Variants in FAHD2A observed in about 807,000 individuals in gnomAD.
FAHD2A encodes oxaloacetate tautomerase FAHD2A, mitochondrial.
In FAHD2A, 27 loss-of-function variants were observed where a neutral mutation model predicts 33.4. The ratio of observed to expected loss-of-function variants is 0.81; its 90% CI spans 0.60 to 1.11. FAHD2A has a LOEUF of 1.11. Ranked by LOEUF, FAHD2A falls within the 50% of genes most tolerant of loss-of-function variation. FAHD2A has a pLI of 0.00. For synonymous variants in FAHD2A, 130 were observed against 153.3 expected, an observed-to-expected ratio of 0.85 and a Z score of 1.12; for missense variants, 296 against 395.0, an observed-to-expected ratio of 0.75 and a Z score of 2.12.
At chr2:95,417,652 C>T (rs1683245952), downstream of FAHD2A, among the ~76,000 whole-genome samples, 1 of 152,070 alleles carries the variant, frequency 6.6e-6, no homozygotes. Context: ...GTCTATTTCA[C>T]ATGCTGCTGA....
intron 5 of FAHD2A, 75 bp from the exon 6 acceptor site, chr2:95,412,359 C>T (rs940606287): frequency 1.9e-6 from 3 of 1,574,730 alleles, no homozygotes; most frequent in East Asian, 2.2e-5. Context: ...AGCACCCCTA[C>T]AGTTGTGTTT....
In FAHD2A at chr2:95,414,269, C is replaced by A; in HGVS notation, c.*1312C>A. On this transcript the variant is annotated 3_prime_UTR_variant, in exon 8 of 8. Transcript: ENST00000233379. ...TCACCAAAGATCCCTTCTTCCTGGG[C>A]GGTGGCCTGCAGGAACTGGAACAGC... 2 of 1,549,722 alleles carry A rather than the reference C, an allele frequency of 1.3e-6. No homozygotes were observed. Among genetic ancestry groups the A allele is most frequent in the East Asian group, 4.5e-5 (2 of 44,440 alleles).
intron 6 of FAHD2A, 64 bp from the exon 7 acceptor site, chr2:95,412,613 C>T (rs1180876319): frequency 1.5e-5 from 24 of 1,613,396 alleles, no homozygotes; most frequent in Non-Finnish European, 1.9e-5. Flanking sequence ...CTGAGCCCTC[C>T]ATCTTTGGCT....
chr2:95,418,359 A>G (rs1683266102), downstream of FAHD2A, among the ~76,000 whole-genome samples: 6 of 151,954 alleles, frequency 3.9e-5, no homozygotes, highest in Admixed American at 2.6e-4. Flanking sequence ...TGAGCTCAGG[A>G]AACAGGCCAG....
Position 95,405,676 on chromosome 2 carries a change from C to A in FAHD2A, c.118C>A (p.Pro40Thr), listed in dbSNP as rs1489387992. The A allele has an allele frequency of 1.9e-6, 3 of 1,614,142 alleles. No homozygotes were observed. The highest frequency in any genetic ancestry group is 2.5e-6 in the Non-Finnish European group (3 of 1,180,026). ...GTTCCGGGCACCCCACCTGGTGGGG[C>A]CTCACTTGGGCCTGGAGACAGGGAA... ...VQFRAPHLVG[P>T]HLGLETGNGG... Residue 40 changes from proline to threonine, a missense_variant, in exon 2 of 8, where the codon CCT (proline) becomes ACT (threonine). Transcript: ENST00000233379.
At position 95,412,721 on chromosome 2, in the gene FAHD2A, C is replaced by T. The variant is rs151233307; in HGVS notation, c.839C>T (p.Pro280Leu). ...YPGDVILTGT[P>L]PGVGVFRKPP... is the part of the protein sequence containing the mutation. The stretch of plus-strand genomic sequence containing the variant: ...GGGGATGTCATCCTAACTGGGACCC[C>T]CCCAGGTGTCGGTGTATTCAGGAAA... Residue 280 changes from proline (P) to leucine (L), a missense_variant, in exon 7 of 8, where the codon CCC becomes CTC. By Grantham distance (98) the Pro-to-Leu change is moderately conservative. Transcript: ENST00000233379. The T allele has an allele frequency of 6.2e-7, 1 of 1,614,176 alleles. No individual in the cohort carries two copies. Among genetic ancestry groups the T allele is most frequent in the Non-Finnish European group, 8.5e-7 (1 of 1,180,012 alleles).
chr2:95,416,902 A>T (rs1267496171), downstream of FAHD2A, among the ~76,000 whole-genome samples: 1 of 152,192 alleles, frequency 6.6e-6, no homozygotes, highest in East Asian at 1.9e-4. Flanking sequence ...GACCCTAAGG[A>T]TCCACCCAGG....
chr2:95,410,325 G>C (rs1279001170), intron 3 of FAHD2A, among the ~76,000 whole-genome samples: 1 of 152,202 alleles, frequency 6.6e-6, no homozygotes, highest in Non-Finnish European at 1.5e-5. Context: ...GATGCTGTCT[G>C]CCACTGCCCA....
chr2:95,409,820 T>C (rs1253231792), intron 3 of FAHD2A, among the ~76,000 whole-genome samples: 1 of 152,238 alleles, frequency 6.6e-6, no homozygotes, highest in Admixed American at 6.5e-5. Flanking sequence ...CCGTCACTTT[T>C]AGTATATCCT....
Position 95,410,926 on chromosome 2 carries a change from C to T in FAHD2A, c.585C>T (p.Asp195=), listed in dbSNP as rs769681317. ...TGGCTCATGACGTGAGTGCTCGTGA[C>T]TGGCAAATGAGACGTAATGGGAAAC... The part of the protein sequence containing the change: ...FTVAHDVSAR[D]WQMRRNGKQW... Residue 195 remains aspartate (D), a synonymous_variant, in exon 5 of 8, where the codon GAC becomes GAT. Coordinates refer to ENST00000233379, the MANE Select transcript of FAHD2A (RefSeq NM_016044.3). 6.2e-7 allele frequency: 1 copy of T among 1,613,896 alleles called. No homozygotes were observed. The highest frequency in any genetic ancestry group is 1.3e-5 in the African/African-American group (1 of 74,932).
chr2:95,403,447 G>C (rs1681043153), intron 1 of FAHD2A, among the ~76,000 whole-genome samples: 2 of 152,208 alleles, frequency 1.3e-5, no homozygotes, highest in Non-Finnish European at 2.9e-5. Flanking sequence ...GCCAGAGGGC[G>C]CCTGTAGTTT....
chr2:95,410,817 C>G, intron 4 of FAHD2A, 47 bp from the exon 5 acceptor site: 1 of 1,608,006 alleles, frequency 6.2e-7, no homozygotes. Context: ...GTGTTGGTGT[C>G]ACCCATGATC....
downstream of FAHD2A, among the ~76,000 whole-genome samples, chr2:95,417,560 A>G (rs1357955135): frequency 1.3e-5 from 2 of 152,224 alleles, no homozygotes; most frequent in Non-Finnish European, 2.9e-5. Context: ...ATCTAAAACT[A>G]GGCCTGGAGC....
chr2:95,417,191 C>T (rs944640246), downstream of FAHD2A, among the ~76,000 whole-genome samples: 2 of 152,208 alleles, frequency 1.3e-5, no homozygotes, highest in African/African-American at 4.8e-5. Context: ...GAACATCTGC[C>T]TCCATCAATG....
At chr2:95,417,240 T>C (rs1683236288), downstream of FAHD2A, among the ~76,000 whole-genome samples, 1 of 152,244 alleles carries the variant, frequency 6.6e-6, no homozygotes, top group Non-Finnish European at 1.5e-5. Context: ...TGAGTTGACC[T>C]TAATGCTGAA....
downstream of FAHD2A, among the ~76,000 whole-genome samples, chr2:95,417,854 T>C (rs1683251894): frequency 1.3e-5 from 2 of 152,176 alleles, no homozygotes; most frequent in South Asian, 4.1e-4. Context: ...CATGACCCAA[T>C]AGCCTCCCAA....
rs748216714 is a variant in FAHD2A at position 95,416,351 on chromosome 2, C to G, written c.*3394C>G. ...TCACCAAGAGCTGAGAATGTTTCTC[C>G]GACTGATGAGACCTAGATATTGGGT... On this transcript the variant is annotated 3_prime_UTR_variant, in exon 8 of 8. Transcript: ENST00000233379. 2 of 152,206 alleles carry G rather than the reference C, an allele frequency of 1.3e-5. No homozygotes were observed. The highest frequency in any genetic ancestry group is 4.8e-5 in the African/African-American group (2 of 41,424). 9.4% of individuals were successfully genotyped at this position (152,206 alleles called of 1,614,324 possible).
At chr2:95,417,031 G>A (rs1390418749), downstream of FAHD2A, among the ~76,000 whole-genome samples, 3 of 152,196 alleles carry the variant, frequency 2.0e-5, no homozygotes, top group Non-Finnish European at 4.4e-5. Flanking sequence ...CCAACACACT[G>A]CAGGCAAGGG....
intron 3 of FAHD2A, 127 bp from the exon 4 acceptor site, chr2:95,410,400 C>G: frequency 7.8e-7 from 1 of 1,280,578 alleles, no homozygotes. Flanking sequence ...GTGGTGATGG[C>G]AAACATGGGA....
Sources: allele counts gnomAD v4.1 joint callset (sites outside exome capture counted in the v4.1 genomes callset), GRCh38; gene constraint gnomAD v4.1.1; transcripts MANE v1.5; gene names NCBI Gene and HGNC (gene_info 2026-07-23, HGNC 2026-07-21).